The following MANF variants were observed in gnomAD, a reference collection of about 807,000 sequenced individuals.
MANF encodes mesencephalic astrocyte derived neurotrophic factor.
Under a neutral mutation model 19.1 loss-of-function variants are expected in MANF, and 9 were observed. The observed-to-expected ratio is 0.47, with a 90% CI of 0.28 to 0.82. The LOEUF is 0.82. MANF is among the 40% of genes least tolerant of loss of function. The pLI is 0.10. For missense variants in MANF, 225 were observed against 226.7 expected, an observed-to-expected ratio of 0.99 and a Z score of 0.05; for synonymous variants, 89 against 88.0, an observed-to-expected ratio of 1.01 and a Z score of -0.06.
In MANF at chr3:51,385,323, GGAGGAGGAGGATGAGGAGGAT is replaced by G; in HGVS notation, c.-11_10del. ...CGGCGGCGGCAGCGGAGGAGGAGGA[GGAGGAGGAGGATGAGGAGGAT>G]GAGGAGGATGTGGGCCACGCAGGGG... On this transcript the variant is annotated start_lost and 5_prime_UTR_variant, in exon 1 of 4. Transcript: ENST00000528157. 1.6e-6 allele frequency: 2 copies of G among 1,226,684 alleles called. No homozygotes were observed. Among genetic ancestry groups the G allele is most frequent in the Non-Finnish European group, 1.0e-6 (1 of 979,898 alleles). The allele number at this position is 1,226,684 out of a possible 1,614,324, so 76.0% of individuals were successfully genotyped here.
chr3:51,387,456 T>A (rs537496035), intron 2 of MANF, among the ~76,000 whole-genome samples: 1 of 148,192 alleles, frequency 6.7e-6, no homozygotes, highest in South Asian at 2.1e-4. Flanking sequence ...AGCAAAACTT[T>A]ATCTCAAAAA....
intron 1 of MANF, 141 bp from the exon 2 acceptor site, chr3:51,386,067 C>G: frequency 1.1e-6 from 1 of 913,906 alleles, no homozygotes; most frequent in Non-Finnish European, 1.6e-6. Flanking sequence ...CTGTAGACAC[C>G]TGAGAAAAAT....
intron 2 of MANF, chr3:51,387,040 G>A: frequency 2.3e-6 from 1 of 434,924 alleles, no homozygotes; most frequent in South Asian, 1.6e-5. Context: ...ATGCCGCTGT[G>A]GGCCAGGTGC....
Position 51,389,142 on chromosome 3 carries a change from T to A in MANF, c.*53T>A. Reference sequence around the variant, plus strand: ...GGGAAAAAACAGTTCAACTGCTTACTCCCAAAACAGCCTTTTTGTAATTTA... The same window carrying A: ...GGGAAAAAACAGTTCAACTGCTTACACCCAAAACAGCCTTTTTGTAATTTA... On this transcript the variant is annotated 3_prime_UTR_variant, in exon 4 of 4. Transcript: ENST00000528157. The A allele has an allele frequency of 6.6e-7, 1 of 1,507,068 alleles. No homozygotes were observed. Among genetic ancestry groups the A allele is most frequent in the Non-Finnish European group, 9.0e-7 (1 of 1,107,564 alleles). The allele number at this position is 1,507,068 out of a possible 1,614,324, so 93.4% of individuals were successfully genotyped here.
rs782495362 is a variant in MANF at position 51,388,976 on chromosome 3, G to C, written c.436G>C (p.Asp146His). Residue 146 changes from aspartate to histidine, a missense_variant, in exon 4 of 4, where the codon GAC (aspartate) becomes CAC (histidine). Physicochemically the swap from Asp to His is moderately conservative, Grantham distance 81. Coordinates refer to ENST00000528157, the MANE Select transcript of MANF (RefSeq NM_006010.6). ...RVKELKKILD[D>H]WGETCKGCAE... is the part of the protein sequence containing the mutation. ...TAAAGAGCTGAAGAAGATTCTGGAT[G>C]ACTGGGGGGAGACATGCAAAGGCTG... The C allele has an allele frequency of 6.2e-7, 1 of 1,604,672 alleles. No homozygotes were observed. The highest frequency in any genetic ancestry group is 1.7e-5 in the Admixed American group (1 of 58,614).
intron 2 of MANF, among the ~76,000 whole-genome samples, chr3:51,386,656 G>C (rs1332770993): frequency 6.6e-6 from 1 of 152,230 alleles, no homozygotes; most frequent in Non-Finnish European, 1.5e-5. Context: ...GGACCAGCAG[G>C]TGCTGATTTA....
chr3:51,388,468 C>T (rs140300751), intron 3 of MANF, among the ~76,000 whole-genome samples: 1 of 152,340 alleles, frequency 6.6e-6, no homozygotes, highest in East Asian at 1.9e-4. Context: ...TGTTCACCTA[C>T]TTGCGTCTTC....
intron 3 of MANF, among the ~76,000 whole-genome samples, chr3:51,388,680 A>G (rs544779381): frequency 1.5e-3 from 226 of 152,332 alleles, no homozygotes; most frequent in Non-Finnish European, 2.2e-3. Flanking sequence ...TTCACGCTGC[A>G]TATCTGTAGT....
chr3:51,387,693 G>T, intron 2 of MANF, 44 bp from the exon 3 acceptor site: 1 of 1,582,886 alleles, frequency 6.3e-7, no homozygotes, highest in African/African-American at 1.3e-5. Context: ...GGAGGAGATG[G>T]CTCTCAAGCA....
chr3:51,386,819 G>C (rs2088966522), intron 2 of MANF: 1 of 455,800 alleles, frequency 2.2e-6, no homozygotes, highest in Non-Finnish European at 4.4e-6. Flanking sequence ...GGATAGGCAA[G>C]GGCCGAATCC....
chr3:51,388,978 C>A lies in MANF; in HGVS notation c.438C>A (p.Asp146Glu), dbSNP rs373287280. ...AAGAGCTGAAGAAGATTCTGGATGACTGGGGGGAGACATGCAAAGGCTGTG... is the reference window on the plus strand; with the variant it reads ...AAGAGCTGAAGAAGATTCTGGATGAATGGGGGGAGACATGCAAAGGCTGTG... ...RVKELKKILD[D>E]WGETCKGCAE... is the part of the protein sequence containing the mutation. The change falls in exon 4 of 4, where the codon GAC becomes GAA. Residue 146 changes from aspartate to glutamate, a missense_variant. Coordinates refer to ENST00000528157, the MANE Select transcript of MANF (RefSeq NM_006010.6). 2.5e-6 allele frequency: 4 copies of A among 1,605,070 alleles called. No individual in the cohort carries two copies. Among genetic ancestry groups the A allele is most frequent in the Non-Finnish European group, 3.4e-6 (4 of 1,175,562 alleles).
chr3:51,385,504 TCAC>T (rs1173700420), intron 1 of MANF, 68 bp downstream of exon 1: 1 of 251,412 alleles, frequency 4.0e-6, no homozygotes, highest in African/African-American at 2.7e-5. Flanking sequence ...CCCCACAACA[TCAC>T]CAGACGGCCG....
intron 3 of MANF, among the ~76,000 whole-genome samples, chr3:51,388,334 C>T (rs782323165): frequency 1.3e-5 from 2 of 152,200 alleles, no homozygotes; most frequent in African/African-American, 2.4e-5. Context: ...TATGTCCAAG[C>T]ATGCAAGCCC....
chr3:51,388,985 G>GA lies in MANF; in HGVS notation c.446dup (p.Thr150AspfsTer10), dbSNP rs1341920884. On this transcript the variant is annotated frameshift_variant, in exon 4 of 4. Coordinates refer to ENST00000528157, the MANE Select transcript of MANF (RefSeq NM_006010.6). LOFTEE classifies it high-confidence loss of function. ...GAAGAAGATTCTGGATGACTGGGGG[G>GA]AGACATGCAAAGGCTGTGCAGAAAA... The GA allele has an allele frequency of 6.2e-7, 1 of 1,606,924 alleles. No homozygotes were observed. Among genetic ancestry groups the GA allele is most frequent in the Non-Finnish European group, 8.5e-7 (1 of 1,176,436 alleles).
chr3:51,388,961 A>G lies in MANF; in HGVS notation c.421A>G (p.Lys141Glu). 6.2e-7 allele frequency: 1 copy of G among 1,600,306 alleles called. No homozygotes were observed. Among genetic ancestry groups the G allele is most frequent in the Non-Finnish European group, 8.5e-7 (1 of 1,173,078 alleles). Residue 141 changes from lysine (K) to glutamate (E), a missense_variant, in exon 4 of 4, where the codon AAG becomes GAG. Transcript: ENST00000528157. ...GAAGAAGCTCCGAGTTAAAGAGCTG[A>G]AGAAGATTCTGGATGACTGGGGGGA... ...DLKKLRVKELKKILDDWGETC... is the reference protein window; with the variant it reads ...DLKKLRVKELEKILDDWGETC...
chr3:51,389,107 G>C lies in MANF; in HGVS notation c.*18G>C. 1 of 1,600,268 alleles carries C rather than the reference G, an allele frequency of 6.2e-7. No homozygotes were observed. The highest frequency in any genetic ancestry group is 8.5e-7 in the Non-Finnish European group (1 of 1,174,956). On this transcript the variant is annotated 3_prime_UTR_variant, in exon 4 of 4. Coordinates refer to ENST00000528157, the MANE Select transcript of MANF (RefSeq NM_006010.6). ...ATTTGTAGTCTGCTCAATCTCTGTT[G>C]CACCTGAGGGGGAAAAAACAGTTCA...
intron 3 of MANF, among the ~76,000 whole-genome samples, chr3:51,388,655 C>T (rs1204030943): frequency 2.0e-5 from 3 of 152,180 alleles, no homozygotes; most frequent in Non-Finnish European, 4.4e-5. Flanking sequence ...AGTGTGGCCT[C>T]TGTCCCTATC....
At chr3:51,388,321 C>T (rs973375888) in intron 3 of MANF, among the ~76,000 whole-genome samples, 3 of 152,194 alleles carry the variant, frequency 2.0e-5, no homozygotes, top group East Asian at 3.8e-4. Context: ...TGAAAAGAAA[C>T]ACTATGTCCA....
intron 1 of MANF, 31 bp downstream of exon 1, chr3:51,385,467 C>T: frequency 6.0e-6 from 6 of 1,004,408 alleles, no homozygotes; most frequent in Non-Finnish European, 7.2e-6. Flanking sequence ...GGCCGCGCTC[C>T]GTGACCGTTC....
Sources: allele counts gnomAD v4.1 joint callset (sites outside exome capture counted in the v4.1 genomes callset), GRCh38; gene constraint gnomAD v4.1.1; transcripts MANE v1.5; gene names NCBI Gene and HGNC (gene_info 2026-07-23, HGNC 2026-07-21).